AKR1B1: variants seen among roughly 807,000 people sequenced by gnomAD.
The protein encoded by AKR1B1 is aldo-keto reductase family 1 member B1.
AKR1B1 carries 22 observed loss-of-function variants against 40.4 expected under a neutral mutation model. That is an observed-to-expected ratio of 0.54 (90% CI 0.39 to 0.78). The LOEUF (loss-of-function observed/expected upper bound fraction) is 0.78. AKR1B1 is among the 30% of genes least tolerant of loss of function. The pLI, the probability that AKR1B1 is intolerant of heterozygous loss-of-function variation, is 0.00. For synonymous variants in AKR1B1, 157 were observed against 149.9 expected (o/e 1.05, Z -0.35); for missense variants, 357 against 396.7 (o/e 0.90, Z 0.85).
chr7:134,448,481 G>C lies in AKR1B1; in HGVS notation c.565C>G (p.Pro189Ala). ...KPAVNQIECHPYLTQEKLIQY... is the reference protein window; with the variant it reads ...KPAVNQIECHAYLTQEKLIQY... The stretch of plus-strand genomic sequence containing the variant: ...ATTAACTTCTCCTGAGTGAGATATG[G>C]GTGGCACTCAATCTGCAAATGCAAA... Residue 189 changes from proline to alanine, a missense_variant, in exon 6 of 10, where the codon CCA (proline) becomes GCA (alanine). Transcript: ENST00000285930. 6 of 1,613,696 alleles carry C rather than the reference G, an allele frequency of 3.7e-6. No homozygotes were observed. Among genetic ancestry groups the C allele is most frequent in the Non-Finnish European group, 5.1e-6 (6 of 1,179,662 alleles).
At chr7:134,454,467 T>C (rs971971102) in intron 1 of AKR1B1, among the ~76,000 whole-genome samples, 2 of 152,212 alleles carry the variant, frequency 1.3e-5, no homozygotes, top group African/African-American at 4.8e-5. Flanking sequence ...TCTTCCCTTT[T>C]GCTTACAGGT....
At chr7:134,459,155 G>A (rs1256462393), upstream of AKR1B1, 8 of 1,454,848 alleles carry the variant, frequency 5.5e-6, no homozygotes, top group Non-Finnish European at 7.5e-6. Context: ...CAGAAAGGGC[G>A]CCTGCGGTTG....
Position 134,450,835 on chromosome 7 carries a change from T to C in AKR1B1, c.302A>G (p.Lys101Arg). 2 of 1,614,226 alleles carry C rather than the reference T, an allele frequency of 1.2e-6. No homozygotes were observed. Among genetic ancestry groups the C allele is most frequent in the African/African-American group, 2.7e-5 (2 of 75,066 alleles). The change falls in exon 3 of 10, where the codon AAG (lysine) becomes AGG (arginine). Residue 101 changes from lysine (K) to arginine (R), a missense_variant. Lys to Arg is a conservative substitution (Grantham distance 26). Transcript: ENST00000285930. ...GACQKTLSDL[K>R]LDYLDLYLIH... Reference sequence around the variant, plus strand: ...AAGGTAGAGGTCCAGGTAGTCCAGCTTCAGGTCGCTGAGTGTCTTCTGGCA... The same window carrying C: ...AAGGTAGAGGTCCAGGTAGTCCAGCCTCAGGTCGCTGAGTGTCTTCTGGCA...
intron 4 of AKR1B1, chr7:134,449,488 G>A: frequency 3.4e-6 from 2 of 585,972 alleles, no homozygotes; most frequent in South Asian, 2.0e-5. Context: ...TCAGGAGGCT[G>A]AGGCAGGAGA....
At chr7:134,458,547 G>C (rs1003089904) in intron 1 of AKR1B1, among the ~76,000 whole-genome samples, 5 of 152,192 alleles carry the variant, frequency 3.3e-5, no homozygotes, top group Non-Finnish European at 7.4e-5. Context: ...CAGGTGCCTC[G>C]AGGGAAAGGA....
chr7:134,449,199 C>T (rs966374892), intron 4 of AKR1B1, 80 bp from the exon 5 acceptor site: 48 of 1,586,940 alleles, frequency 3.0e-5, no homozygotes, highest in African/African-American at 6.7e-5. Context: ...ACCAGTTTAA[C>T]GGGTCCTGCC....
chr7:134,444,850 G>A (rs912486667), intron 9 of AKR1B1: 9 of 336,518 alleles, frequency 2.7e-5, no homozygotes, highest in African/African-American at 6.4e-5. Context: ...AGGGGCTCCC[G>A]ACCAAACCCC....
chr7:134,458,679 C>A (rs571410316), intron 1 of AKR1B1, among the ~76,000 whole-genome samples: 1 of 152,272 alleles, frequency 6.6e-6, no homozygotes, highest in South Asian at 2.1e-4. Context: ...TTGGGGCGCC[C>A]GCTAGGACCC....
chr7:134,458,890 G>C, intron 1 of AKR1B1, 107 bp downstream of exon 1: 4 of 1,318,270 alleles, frequency 3.0e-6, no homozygotes, highest in African/African-American at 1.5e-5. Context: ...CAGCACGCCG[G>C]GCGTCCGCGG....
intron 1 of AKR1B1, among the ~76,000 whole-genome samples, chr7:134,457,326 C>T (rs1157059071): frequency 6.6e-6 from 1 of 152,116 alleles, no homozygotes. Flanking sequence ...ATGTATATAT[C>T]TGTGCGTTGC....
intron 9 of AKR1B1, chr7:134,444,592 AT>A (rs1187903305): frequency 6.3e-6 from 1 of 158,516 alleles, no homozygotes; most frequent in East Asian, 1.8e-4. Context: ...CCACTGCAAA[AT>A]GAGAAGTTCC....
rs1310289314 is a variant in AKR1B1, at chr7:134,449,017, A to G, written c.532T>C (p.Tyr178His). The G allele has an allele frequency of 5.6e-6, 9 of 1,614,108 alleles. No individual in the cohort carries two copies. Among genetic ancestry groups the G allele is most frequent in the Non-Finnish European group, 7.6e-6 (9 of 1,180,012 alleles). Reference sequence around the variant, plus strand: ...TTTACCTGGTTAACTGCAGGCTTATACTTCAAGCCAGGTTTGTTTAAGATC... The same window carrying G: ...TTTACCTGGTTAACTGCAGGCTTATGCTTCAAGCCAGGTTTGTTTAAGATC... ...EMILNKPGLK[Y>H]KPAVNQIECH... The change falls in exon 5 of 10, where the codon TAT (tyrosine) becomes CAT (histidine). Residue 178 changes from tyrosine to histidine, a missense_variant. Tyr to His is a moderately conservative substitution (Grantham distance 83). Transcript: ENST00000285930.
rs1178910765 is a variant in AKR1B1 at position 134,449,907 on chromosome 7, G to A, written c.352-110C>T. Reference sequence around the variant, plus strand: ...AATTCTAAACCACCACAGCTGGCTAGGGATAATCTGTGTGCCACTATGAAA... The same window carrying A: ...AATTCTAAACCACCACAGCTGGCTAAGGATAATCTGTGTGCCACTATGAAA... On this transcript the variant is annotated intron_variant, in intron 3 of 9. Transcript: ENST00000285930. 9 of 887,884 alleles carry A rather than the reference G, an allele frequency of 1.0e-5. No homozygotes were observed. In the East Asian group the frequency reaches 1.4e-4, roughly 14 times the overall value. 55.0% of individuals were successfully genotyped at this position (887,884 alleles called of 1,614,324 possible). A position where few individuals can be genotyped will look rare whatever the true frequency, so the allele number is the denominator to read the frequency against.
rs1164777704 is a variant in AKR1B1 at position 134,449,005 on chromosome 7, C to T, written c.544G>A (p.Val182Ile). ...NKPGLKYKPA[V>I]NQIECHPYLT... is the part of the protein sequence containing the mutation. ...CGTTGGGGGATGTTTACCTGGTTAA[C>T]TGCAGGCTTATACTTCAAGCCAGGT... Residue 182 changes from valine (V) to isoleucine (I), a missense_variant, in exon 5 of 10, where the codon GTT becomes ATT. Transcript: ENST00000285930. 1 of 1,614,128 alleles carries T rather than the reference C, an allele frequency of 6.2e-7. No homozygotes were observed. The highest frequency in any genetic ancestry group is 1.7e-5 in the Admixed American group (1 of 60,014).
chr7:134,450,749 G>A (rs1355893663), intron 3 of AKR1B1, 37 bp downstream of exon 3: 2 of 1,544,318 alleles, frequency 1.3e-6, no homozygotes, highest in East Asian at 2.2e-5. Flanking sequence ...TTGCACCTGA[G>A]CCCCAAGGGA....
In AKR1B1 at chr7:134,447,181, G is replaced by A. The variant is rs1276946011; in HGVS notation, c.825+117C>T. 3.2e-6 allele frequency: 3 copies of A among 947,650 alleles called. No homozygotes were observed. In the East Asian group the frequency reaches 7.7e-5, roughly 24 times the overall value. 58.7% of individuals were successfully genotyped at this position (947,650 alleles called of 1,614,324 possible). ...TTGGCTTGCTCGCCACAGCTCCCTGGCCTCAGAAGAGAGGATGGTGGTGAT... is the reference window on the plus strand; with the variant it reads ...TTGGCTTGCTCGCCACAGCTCCCTGACCTCAGAAGAGAGGATGGTGGTGAT... On this transcript the variant is annotated intron_variant, in intron 8 of 9. Coordinates refer to ENST00000285930, the MANE Select transcript of AKR1B1 (RefSeq NM_001628.4).
intron 9 of AKR1B1, among the ~76,000 whole-genome samples, chr7:134,443,285 T>C (rs948569982): frequency 2.0e-5 from 3 of 152,246 alleles, no homozygotes; most frequent in East Asian, 3.9e-4. Context: ...TGGTGGTGCA[T>C]GCCCATGGCC....
chr7:134,450,482 G>A (rs1806250038), intron 3 of AKR1B1, among the ~76,000 whole-genome samples: 1 of 152,196 alleles, frequency 6.6e-6, no homozygotes, highest in South Asian at 2.1e-4. Context: ...ACTACAGACA[G>A]CAGCTGTGTT....
At chr7:134,458,954 AGT>A (rs1397704341) in intron 1 of AKR1B1, 41 bp downstream of exon 1, 2 of 1,575,624 alleles carry the variant, frequency 1.3e-6, no homozygotes, top group Admixed American at 1.8e-5. Context: ...CCGCGCGGAG[AGT>A]GTGAGGCGAG....
Sources: allele counts gnomAD v4.1 joint callset (sites outside exome capture counted in the v4.1 genomes callset), GRCh38; gene constraint gnomAD v4.1.1; transcripts MANE v1.5; gene names NCBI Gene and HGNC (gene_info 2026-07-23, HGNC 2026-07-21).